The following RALGAPA1 variants were observed in gnomAD, a reference collection of about 807,000 sequenced individuals.
The protein encoded by RALGAPA1 is ral GTPase-activating protein subunit alpha-1.
In RALGAPA1, 52 loss-of-function variants were observed where a neutral mutation model predicts 269.6. The observed-to-expected ratio is 0.19, with a 90% CI of 0.15 to 0.24. RALGAPA1 has a LOEUF of 0.24. RALGAPA1 is among the 10% of genes least tolerant of loss of function. The probability of loss-of-function intolerance (pLI) is 1.00; values close to 1 mark genes in which losing one functional copy is unlikely to be tolerated. For synonymous variants in RALGAPA1, 817 were observed against 1,008.3 expected, an observed-to-expected ratio of 0.81 and a Z score of 3.60; for missense variants, 1,917 against 3,013.9, an observed-to-expected ratio of 0.64 and a Z score of 8.52.
intron 5 of RALGAPA1, among the ~76,000 whole-genome samples, chr14:35,761,923 A>C (rs2073735408): frequency 6.6e-6 from 1 of 152,226 alleles, no homozygotes; most frequent in African/African-American, 2.4e-5. Context: ...TGCCAAAAGC[A>C]CCTGTAATAA....
intron 39 of RALGAPA1, among the ~76,000 whole-genome samples, chr14:35,565,903 C>T (rs1481837708): frequency 6.6e-6 from 1 of 152,002 alleles, no homozygotes; most frequent in Non-Finnish European, 1.5e-5. Context: ...TGGCTGAGGT[C>T]ATGAAATTAA....
At chr14:35,635,755 T>C (rs2061628340) in intron 31 of RALGAPA1, among the ~76,000 whole-genome samples, 157 bp from the exon 32 acceptor site, 1 of 152,244 alleles carries the variant, frequency 6.6e-6, no homozygotes, top group Non-Finnish European at 1.5e-5. Context: ...GATTTTAAGA[T>C]ATTGTATATG....
chr14:35,750,961 G>A (rs2072626572), intron 8 of RALGAPA1, among the ~76,000 whole-genome samples: 1 of 152,120 alleles, frequency 6.6e-6, no homozygotes, highest in South Asian at 2.1e-4. Context: ...GAAGCTTCCA[G>A]AACCATTTAA....
intron 37 of RALGAPA1, among the ~76,000 whole-genome samples, chr14:35,583,799 T>C (rs564673590): frequency 4.6e-4 from 70 of 152,088 alleles, no homozygotes; most frequent in Non-Finnish European, 7.5e-4. Flanking sequence ...TAGAGTGAAA[T>C]ATTTAAAGTA....
intron 12 of RALGAPA1, among the ~76,000 whole-genome samples, chr14:35,736,299 C>A (rs1595370836): frequency 6.6e-6 from 1 of 152,100 alleles, no homozygotes; most frequent in Non-Finnish European, 1.5e-5. Context: ...ATTTGAGATA[C>A]TTATTAGATA....
intron 39 of RALGAPA1, among the ~76,000 whole-genome samples, chr14:35,565,619 A>G (rs957636366): frequency 1.3e-5 from 2 of 152,136 alleles, no homozygotes; most frequent in Admixed American, 6.6e-5. Flanking sequence ...CCACAACTAC[A>G]TGAACAAATT....
At chr14:35,790,683 C>A (rs74503701) in intron 1 of RALGAPA1, among the ~76,000 whole-genome samples, 2 of 107,962 alleles carry the variant, frequency 1.9e-5, no homozygotes, top group Non-Finnish European at 3.5e-5. Flanking sequence ...AAGAGACTGT[C>A]TAAAAAAAAA....
At chr14:35,572,462 A>T in intron 38 of RALGAPA1, 98 bp downstream of exon 38, 1 of 920,706 alleles carries the variant, frequency 1.1e-6, no homozygotes, top group South Asian at 1.9e-5. Flanking sequence ...TCACAACTTG[A>T]TGCCTACTCC....
rs778287021 is a variant in RALGAPA1 at position 35,756,805 on chromosome 14, G to A, written c.651C>T (p.Tyr217=). The part of the protein sequence containing the change: ...TSYFLEALLK[Y]IVIQVKSLEW... ...AGATAACAAGTACCTGAATGACTATGTATTTTAGAAGTGCTTCAAGAAAAT... is the reference window on the plus strand; with the variant it reads ...AGATAACAAGTACCTGAATGACTATATATTTTAGAAGTGCTTCAAGAAAAT... Residue 217 remains tyrosine, a synonymous_variant, in exon 7 of 42, where the codon TAC becomes TAT. Coordinates refer to ENST00000680220, the MANE Select transcript of RALGAPA1 (RefSeq NM_001346249.2). 6.2e-6 allele frequency: 10 copies of A among 1,602,216 alleles called. No homozygotes were observed. The highest frequency in any genetic ancestry group is 2.2e-4 in the Middle Eastern group (1 of 4,550).
chr14:35,664,717 G>A lies in RALGAPA1; in HGVS notation c.5253C>T (p.Pro1751=), dbSNP rs766121168. The A allele has an allele frequency of 1.2e-6, 2 of 1,612,714 alleles. No individual in the cohort carries two copies. The highest frequency in any genetic ancestry group is 8.5e-7 in the Non-Finnish European group (1 of 1,179,366). The change falls in exon 27 of 42, where the codon CCC becomes CCT. Residue 1751 remains proline, a synonymous_variant. Transcript: ENST00000680220. The part of the protein sequence containing the change: ...QVLLGSLVCF[P]NLYCELPSLH... The stretch of plus-strand genomic sequence containing the variant: ...GAGAAGGCAGTTCACAATATAAGTT[G>A]GGAAAGCAAACCAAAGATCCCAGAA...
At chr14:35,567,076 T>G (rs1180873117) in intron 39 of RALGAPA1, among the ~76,000 whole-genome samples, 2 of 151,894 alleles carry the variant, frequency 1.3e-5, no homozygotes, top group African/African-American at 4.8e-5. Flanking sequence ...CAAGAAAAAT[T>G]TGTTTGATCT....
intron 33 of RALGAPA1, among the ~76,000 whole-genome samples, chr14:35,629,671 T>C (rs2061222330): frequency 6.6e-6 from 1 of 152,028 alleles, no homozygotes; most frequent in African/African-American, 2.4e-5. Context: ...CGCCCAGCTA[T>C]TGTATTTTTA....
intron 8 of RALGAPA1, among the ~76,000 whole-genome samples, chr14:35,751,150 A>G (rs2072646411): frequency 6.6e-6 from 1 of 152,196 alleles, no homozygotes; most frequent in African/African-American, 2.4e-5. Context: ...TGGCAGAGAT[A>G]TGCTTCTAAC....
At chr14:35,808,021 C>G (rs2077495427) in intron 1 of RALGAPA1, 1 of 152,168 alleles carries the variant, frequency 6.6e-6, no homozygotes, top group Non-Finnish European at 1.5e-5. Context: ...TACCAAATGA[C>G]TAAGTATTCA....
chr14:35,682,846 C>T (rs767667619), intron 21 of RALGAPA1, among the ~76,000 whole-genome samples: 4 of 152,080 alleles, frequency 2.6e-5, no homozygotes, highest in Non-Finnish European at 4.4e-5. Flanking sequence ...TCCACTAGGG[C>T]CATATTCTGC....
intron 31 of RALGAPA1, among the ~76,000 whole-genome samples, chr14:35,649,599 A>G (rs1180492386): frequency 6.6e-6 from 1 of 152,188 alleles, no homozygotes; most frequent in African/African-American, 2.4e-5. Context: ...AGATTTACAC[A>G]TGCTATTCAT....
chr14:35,615,723 T>C (rs1290564509), intron 35 of RALGAPA1, among the ~76,000 whole-genome samples: 1 of 152,122 alleles, frequency 6.6e-6, no homozygotes, highest in Non-Finnish European at 1.5e-5. Context: ...TATGTATTCA[T>C]ACCACAATTC....
chr14:35,753,239 AC>A (rs1289222823), intron 7 of RALGAPA1, among the ~76,000 whole-genome samples: 3 of 152,166 alleles, frequency 2.0e-5, no homozygotes, highest in Admixed American at 1.3e-4. Context: ...ATTTAGGACA[AC>A]CTGAGCATCA....
chr14:35,786,531 G>A (rs1438580800), intron 1 of RALGAPA1, among the ~76,000 whole-genome samples: 2 of 151,274 alleles, frequency 1.3e-5, no homozygotes, highest in Non-Finnish European at 3.0e-5. Flanking sequence ...CCAGCTACTC[G>A]GGAGGCTGAG....
Sources: gnomAD v4.1 joint callset for allele counts (sites outside exome capture counted in the v4.1 genomes callset) on GRCh38, gnomAD v4.1.1 for gene constraint, MANE v1.5 for transcripts, NCBI Gene and HGNC (gene_info 2026-07-23, HGNC 2026-07-21) for gene names.